The following ZNF25 variants were observed in gnomAD, a reference collection of about 807,000 sequenced individuals.
ZNF25 encodes zinc finger protein 25.
A neutral mutation model predicts 30.9 loss-of-function variants in ZNF25; 21 were observed. The observed-to-expected ratio is 0.68, with a 90% CI of 0.48 to 0.98. The LOEUF (loss-of-function observed/expected upper bound fraction) is 0.98. Among genes scored for constraint, ZNF25 ranks in the 50% least tolerant of loss-of-function variants. The probability of loss-of-function intolerance (pLI) is 0.00; values close to 1 mark genes in which losing one functional copy is unlikely to be tolerated. For synonymous variants in ZNF25, 169 were observed against 181.3 expected (o/e 0.93, Z 0.55); for missense variants, 501 against 529.9 (o/e 0.95, Z 0.54).
At chr10:37,970,594 G>A (rs565114463) in intron 2 of ZNF25, among the ~76,000 whole-genome samples, 117 of 152,234 alleles carry the variant, frequency 7.7e-4, no homozygotes, top group Middle Eastern at 3.4e-3. Flanking sequence ...TTATGTAAAG[G>A]ATGATTTTTA....
At chr10:37,971,662 C>CACACAA (rs2063497840) in intron 2 of ZNF25, 46 bp downstream of exon 2, 2 of 1,610,930 alleles carry the variant, frequency 1.2e-6, no homozygotes, top group African/African-American at 2.7e-5. Flanking sequence ...CACACACACA[C>CACACAA]ACACACACAC....
In ZNF25 at chr10:37,952,121, C is replaced by A; in HGVS notation, c.*6G>T. The A allele has an allele frequency of 1.9e-6, 3 of 1,543,078 alleles. No individual in the cohort carries two copies. Among genetic ancestry groups the A allele is most frequent in the Non-Finnish European group, 2.6e-6 (3 of 1,147,526 alleles). ...TAATTCAGTCAAGAGAATTTCCCAA[C>A]TCATCTTACTTCTCAGCATTCCTCT... On this transcript the variant is annotated 3_prime_UTR_variant, in exon 6 of 6. Coordinates refer to ENST00000302609, the MANE Select transcript of ZNF25 (RefSeq NM_145011.4).
Position 37,976,644 on chromosome 10 carries a change from A to C in ZNF25, c.-224T>G, listed in dbSNP as rs1313255592. The C allele has an allele frequency of 6.6e-6, 1 of 152,454 alleles. No homozygotes were observed. The highest frequency in any genetic ancestry group is 1.9e-4 in the East Asian group (1 of 5,188). 9.4% of individuals were successfully genotyped at this position (152,454 alleles called of 1,614,324 possible). A position where few individuals can be genotyped will look rare whatever the true frequency, so the allele number is the denominator to read the frequency against. On this transcript the variant is annotated 5_prime_UTR_variant, in exon 1 of 6. Transcript: ENST00000302609. Reference sequence around the variant, plus strand: ...CAAAAAAACGCCAATGCCAGAAAGAAGACACTGCACATGCGCAGAACGTTT... The same window carrying C: ...CAAAAAAACGCCAATGCCAGAAAGACGACACTGCACATGCGCAGAACGTTT...
rs182163191 is a variant in ZNF25, at chr10:37,952,046, G to A, written c.*81C>T. 5.6e-5 allele frequency: 76 copies of A among 1,346,108 alleles called. 1 individual carries two copies. The East Asian group carries it at 9.2e-4, about 16-fold the overall frequency. The allele number at this position is 1,346,108 out of a possible 1,614,324, so 83.4% of individuals were successfully genotyped here. A position where few individuals can be genotyped will look rare whatever the true frequency, so the allele number is the denominator to read the frequency against. ...GCTGAAAATTTCCCTCTATTGATGC[G>A]ATTCATAAGGTGTACCTCTTGTGTG... On this transcript the variant is annotated 3_prime_UTR_variant, in exon 6 of 6. Transcript: ENST00000302609.
In ZNF25 at chr10:37,950,568, T is replaced by G. The variant is rs374283144; in HGVS notation, c.*1559A>C. The G allele has an allele frequency of 1.1e-5, 1 of 87,512 alleles. No individual in the cohort carries two copies. The highest frequency in any genetic ancestry group is 5.4e-4 in the East Asian group (1 of 1,836). The allele number at this position is 87,512 out of a possible 1,614,324, so 5.4% of individuals were successfully genotyped here. ...GGAATGAATGTTGGGTAGCCAACAT[T>G]TTTTTTTTTTTTGCAGCGTAATTCA... On this transcript the variant is annotated 3_prime_UTR_variant, in exon 6 of 6. Transcript: ENST00000302609.
chr10:37,962,532 G>C (rs895358544), intron 2 of ZNF25, among the ~76,000 whole-genome samples: 2 of 152,106 alleles, frequency 1.3e-5, no homozygotes, highest in South Asian at 2.1e-4. Flanking sequence ...AGACAAACTA[G>C]AATCAGTAAC....
chr10:37,953,724 T>C lies in ZNF25; in HGVS notation c.273A>G (p.Arg91=), dbSNP rs777081555. 5.6e-6 allele frequency: 9 copies of C among 1,613,936 alleles called. No homozygotes were observed. The African/African-American group carries it at 1.2e-4, about 22-fold the overall frequency. The change falls in exon 5 of 6, where the codon AGA becomes AGG. Residue 91 remains arginine (R), a synonymous_variant. Transcript: ENST00000302609. The part of the protein sequence containing the change: ...DLWSIHDLEA[R]YQESQAGNSR... ...AATTTCCAGCTTGGCTTTCCTGGTA[T>C]CTTGCTTCTAGATCATGAATGCTCC...
rs973047676 is a variant in ZNF25, at chr10:37,951,468, G to T, written c.*659C>A. On this transcript the variant is annotated 3_prime_UTR_variant, in exon 6 of 6. Coordinates refer to ENST00000302609, the MANE Select transcript of ZNF25 (RefSeq NM_145011.4). ...AGCTTCATATATGTAGACATTTGCA[G>T]GTTTCCTTTTAAAATAGAGCAATCT... is the stretch of plus-strand genomic sequence containing the variant. The T allele has an allele frequency of 7.2e-5, 11 of 152,152 alleles. No individual in the cohort carries two copies. Among genetic ancestry groups the T allele is most frequent in the African/African-American group, 2.7e-4 (11 of 41,434 alleles). 9.4% of individuals were successfully genotyped at this position (152,152 alleles called of 1,614,324 possible).
At chr10:37,974,649 A>G (rs1361577374) in intron 1 of ZNF25, among the ~76,000 whole-genome samples, 1 of 152,258 alleles carries the variant, frequency 6.6e-6, no homozygotes, top group Non-Finnish European at 1.5e-5. Flanking sequence ...GAGAACCCTC[A>G]TACAACCTTG....
At chr10:37,974,931 C>T (rs556177978) in intron 1 of ZNF25, among the ~76,000 whole-genome samples, 30 of 151,990 alleles carry the variant, frequency 2.0e-4, no homozygotes, top group Non-Finnish European at 3.2e-4. Context: ...ATTATTCAGA[C>T]ATAAAAAGAA....
chr10:37,961,611 C>T (rs1205540848), intron 2 of ZNF25, among the ~76,000 whole-genome samples: 1 of 152,084 alleles, frequency 6.6e-6, no homozygotes, highest in African/African-American at 2.4e-5. Context: ...AAAAAAATCA[C>T]ATGGCAAATC....
Position 37,953,766 on chromosome 10 carries a change from G to A in ZNF25, c.239-8C>T. 6.2e-7 allele frequency: 1 copy of A among 1,611,930 alleles called. No homozygotes were observed. The highest frequency in any genetic ancestry group is 8.5e-7 in the Non-Finnish European group (1 of 1,178,458). On this transcript the variant is annotated splice_region_variant and splice_polypyrimidine_tract_variant and intron_variant, in intron 4 of 5. Transcript: ENST00000302609. ...GAATGCTCCATAGGTCTTCTACAAG[G>A]GAACCAAAAATGTAATACTTTATAA...
rs1240107157 is a variant in ZNF25, at chr10:37,952,788, T to C, written c.710A>G (p.Lys237Arg). The part of the protein sequence containing the change: ...EKPFECTECG[K>R]FFYVKAYLMV... ...GAGGTATGCCTTCACATAGAAGAAC[T>C]TCCCACATTCAGTACATTCAAAAGG... is the stretch of plus-strand genomic sequence containing the variant. Residue 237 changes from lysine (K) to arginine (R), a missense_variant, in exon 6 of 6, where the codon AAG becomes AGG. Transcript: ENST00000302609. 2.5e-6 allele frequency: 4 copies of C among 1,614,008 alleles called. No individual in the cohort carries two copies. The highest frequency in any genetic ancestry group is 3.4e-6 in the Non-Finnish European group (4 of 1,180,010).
At chr10:37,971,618 TA>T in intron 2 of ZNF25, 89 bp downstream of exon 2, 1 of 1,566,390 alleles carries the variant, frequency 6.4e-7, no homozygotes. Context: ...CTCTCGTTCA[TA>T]AAACTCATTA....
At position 37,968,151 on chromosome 10, in the gene ZNF25, G is replaced by A. The variant is rs574485103; in HGVS notation, c.15+3557C>T. On this transcript the variant is annotated intron_variant, in intron 2 of 5. Transcript: ENST00000302609. ...CAGCTCACCACAACCTCTGCCTCCC[G>A]GGTTCGAGCAATTCTCCTGCCTCAG... 4.8e-4 allele frequency among the ~76,000 whole-genome samples: 72 copies of A among 151,520 alleles called. 1 individual carries two copies. The highest frequency in any genetic ancestry group is 1.5e-3 in the African/African-American group (63 of 41,284).
intron 4 of ZNF25, among the ~76,000 whole-genome samples, chr10:37,954,291 T>A (rs1414257765): frequency 1.3e-5 from 2 of 152,204 alleles, no homozygotes; most frequent in Admixed American, 6.5e-5. Flanking sequence ...TATTTCCTCT[T>A]CATCCATCCA....
intron 1 of ZNF25, among the ~76,000 whole-genome samples, chr10:37,974,036 T>G (rs1202395801): frequency 1.3e-5 from 2 of 152,160 alleles, no homozygotes; most frequent in Non-Finnish European, 2.9e-5. Flanking sequence ...AAATGACAGT[T>G]TCTTCAATAA....
At chr10:37,973,934 CATAG>C (rs1458211552) in intron 1 of ZNF25, among the ~76,000 whole-genome samples, 1 of 152,040 alleles carries the variant, frequency 6.6e-6, no homozygotes, top group Non-Finnish European at 1.5e-5. Context: ...AAAAGAGACA[CATAG>C]ATCAATGAAA....
chr10:37,973,214 C>A lies in ZNF25; in HGVS notation c.-85-1407G>T, dbSNP rs536490135. 2.7e-5 allele frequency among the ~76,000 whole-genome samples: 4 copies of A among 150,172 alleles called. No individual in the cohort carries two copies. The East Asian group carries it at 7.8e-4, about 29-fold the overall frequency. ...AGCATTTCCATACACCAACAGTGAA[C>A]AATCTGAAAAACAAATCAAGAAAGC... On this transcript the variant is annotated intron_variant, in intron 1 of 5. Transcript: ENST00000302609.
Sources: gnomAD v4.1 joint callset for allele counts (sites outside exome capture counted in the v4.1 genomes callset) on GRCh38, gnomAD v4.1.1 for gene constraint, MANE v1.5 for transcripts, NCBI Gene and HGNC (gene_info 2026-07-23, HGNC 2026-07-21) for gene names.